Variants in SGIP1 observed in about 807,000 individuals in gnomAD.
The protein encoded by SGIP1 is SH3-containing GRB2-like protein 3-interacting protein 1.
In SGIP1, 38 loss-of-function variants were observed where a neutral mutation model predicts 107.5. That is an observed-to-expected ratio of 0.35 (90% CI 0.27 to 0.46). The LOEUF (loss-of-function observed/expected upper bound fraction) is 0.46, where lower values mean the gene tolerates loss of function less well. Among genes scored for constraint, SGIP1 ranks in the 20% least tolerant of loss-of-function variants. The pLI, the probability that SGIP1 is intolerant of heterozygous loss-of-function variation, is 1.00. For synonymous variants in SGIP1, 365 were observed against 366.1 expected (o/e 1.00, Z 0.03); for missense variants, 929 against 1,019.5 (o/e 0.91, Z 1.21).
chr1:66,646,279 G>A (rs1247717916), intron 7 of SGIP1, among the ~76,000 whole-genome samples: 1 of 152,100 alleles, frequency 6.6e-6, no homozygotes, highest in Non-Finnish European at 1.5e-5. Context: ...CAAAAGAGCA[G>A]ACAATTATAC....
chr1:66,646,033 G>A (rs541861867), intron 7 of SGIP1, among the ~76,000 whole-genome samples: 144 of 152,212 alleles, frequency 9.5e-4, no homozygotes, highest in African/African-American at 3.2e-3. Context: ...TAGAGACAGT[G>A]TTTCACCACA....
intron 7 of SGIP1, among the ~76,000 whole-genome samples, chr1:66,654,683 A>T (rs2079396978): frequency 6.6e-6 from 1 of 152,160 alleles, no homozygotes; most frequent in Admixed American, 6.5e-5. Flanking sequence ...ATGTCAAAAA[A>T]TTTTTCCTCA....
chr1:66,729,427 T>C lies in SGIP1; in HGVS notation c.1898+8T>C. The C allele has an allele frequency of 1.2e-6, 2 of 1,614,008 alleles. No homozygotes were observed. The highest frequency in any genetic ancestry group is 1.7e-6 in the Non-Finnish European group (2 of 1,179,928). ...CCCCCAACTTCTCTGCTGGTAAATA[T>C]GATTTTGCATAAATTTTTCAGAGAT... On this transcript the variant is annotated splice_region_variant and intron_variant, in intron 20 of 24. Transcript: ENST00000371037.
chr1:66,640,560 T>C (rs1289055926), intron 5 of SGIP1, among the ~76,000 whole-genome samples: 2 of 152,076 alleles, frequency 1.3e-5, no homozygotes, highest in African/African-American at 4.8e-5. Context: ...AATGAGACAG[T>C]GCTTGAAGCA....
chr1:66,689,891 C>T (rs1445876745), intron 16 of SGIP1, among the ~76,000 whole-genome samples: 1 of 152,204 alleles, frequency 6.6e-6, no homozygotes, highest in Non-Finnish European at 1.5e-5. Context: ...TGAGTTCTCA[C>T]TCTGTGTTAC....
chr1:66,552,994 C>T (rs773453018), intron 1 of SGIP1, among the ~76,000 whole-genome samples: 3 of 152,136 alleles, frequency 2.0e-5, no homozygotes, highest in East Asian at 1.9e-4. Flanking sequence ...GCCACTGGGA[C>T]CTCAGAGACC....
chr1:66,587,404 G>A (rs766078398), intron 1 of SGIP1, among the ~76,000 whole-genome samples: 7 of 151,122 alleles, frequency 4.6e-5, no homozygotes, highest in Non-Finnish European at 8.9e-5. Flanking sequence ...TTCTGATTTG[G>A]TAATTTCTAT....
intron 2 of SGIP1, among the ~76,000 whole-genome samples, chr1:66,630,484 C>T (rs2074033585): frequency 6.6e-6 from 1 of 151,878 alleles, no homozygotes; most frequent in African/African-American, 2.4e-5. Flanking sequence ...GATATTAAGT[C>T]CTAGTAAGTT....
At chr1:66,695,866 T>C (rs913760293) in intron 18 of SGIP1, among the ~76,000 whole-genome samples, 4 of 152,234 alleles carry the variant, frequency 2.6e-5, no homozygotes, top group African/African-American at 9.6e-5. Context: ...TATAAGGACA[T>C]TTTTGGTTGG....
intron 18 of SGIP1, among the ~76,000 whole-genome samples, chr1:66,697,619 TAAA>T (rs142316786): frequency 1.9e-3 from 289 of 152,334 alleles, no homozygotes; most frequent in Non-Finnish European, 3.3e-3. Context: ...TAGAAGAAAC[TAAA>T]AATGATGTCT....
chr1:66,680,486 T>C (rs1019848998), intron 14 of SGIP1, among the ~76,000 whole-genome samples: 1 of 152,230 alleles, frequency 6.6e-6, no homozygotes, highest in Non-Finnish European at 1.5e-5. Flanking sequence ...CTTCATCCTT[T>C]GCTATTTATG....
intron 1 of SGIP1, among the ~76,000 whole-genome samples, chr1:66,601,962 T>C (rs767359391): frequency 3.3e-5 from 5 of 152,186 alleles, no homozygotes; most frequent in Non-Finnish European, 5.9e-5. Context: ...AGTACATAGA[T>C]CCCTTTCTCT....
intron 7 of SGIP1, chr1:66,660,209 AAGAAAG>A (rs2081146807): frequency 2.9e-5 from 7 of 237,582 alleles, no homozygotes; most frequent in Admixed American, 7.9e-5. Context: ...GAAAGAAAGA[AAGAAAG>A]AGAAAGAAAG....
chr1:66,632,829 T>C (rs140752439), intron 2 of SGIP1, among the ~76,000 whole-genome samples: 51 of 152,280 alleles, frequency 3.3e-4, no homozygotes, highest in Non-Finnish European at 6.8e-4. Flanking sequence ...GCACTACCCT[T>C]CCCACATGTG....
chr1:66,650,044 G>C (rs928923689), intron 7 of SGIP1, among the ~76,000 whole-genome samples: 1 of 152,114 alleles, frequency 6.6e-6, no homozygotes, highest in African/African-American at 2.4e-5. Context: ...TGTAAAGATT[G>C]TCTCATTGCT....
Position 66,682,118 on chromosome 1 carries a change from C to G in SGIP1, c.1064C>G (p.Pro355Arg). Residue 355 changes from proline to arginine, a missense_variant, in exon 15 of 25, where the codon CCA (proline) becomes CGA (arginine). Transcript: ENST00000371037. ...DSPAPGPLGP[P>R]GPTGPPGPPG... ...CCAGCTCCAGGCCCTCTCGGCCCCC[C>G]AGGTCCCACAGGCCCCCCAGGGCCT... The G allele has an allele frequency of 6.2e-7, 1 of 1,613,714 alleles. No homozygotes were observed. Among genetic ancestry groups the G allele is most frequent in the Non-Finnish European group, 8.5e-7 (1 of 1,179,786 alleles).
At chr1:66,621,887 C>T (rs1050502058) in intron 1 of SGIP1, among the ~76,000 whole-genome samples, 2 of 152,232 alleles carry the variant, frequency 1.3e-5, no homozygotes, top group African/African-American at 4.8e-5. Flanking sequence ...GAATTTTACT[C>T]ACAAAATAAT....
chr1:66,669,416 G>A (rs760281920), intron 9 of SGIP1, among the ~76,000 whole-genome samples: 27 of 152,170 alleles, frequency 1.8e-4, no homozygotes, highest in Non-Finnish European at 3.1e-4. Context: ...CACAGTACTA[G>A]GTGGGCTGTG....
chr1:66,685,622 A>C (rs1427912220), intron 15 of SGIP1, among the ~76,000 whole-genome samples: 1 of 152,246 alleles, frequency 6.6e-6, no homozygotes, highest in African/African-American at 2.4e-5. Context: ...AATTAGTCTG[A>C]GCTACCTAGG....
Sources: allele counts gnomAD v4.1 joint callset (sites outside exome capture counted in the v4.1 genomes callset), GRCh38; gene constraint gnomAD v4.1.1; transcripts MANE v1.5; gene names NCBI Gene and HGNC (gene_info 2026-07-23, HGNC 2026-07-21).